UNC79: variants seen among roughly 807,000 people sequenced by gnomAD.
The protein encoded by UNC79 is unc-79 subunit of NALCN channel complex.
UNC79 carries 37 observed loss-of-function variants against 283.1 expected under a neutral mutation model. The observed-to-expected ratio is 0.13, with a 90% confidence interval of 0.10 to 0.17. The LOEUF (loss-of-function observed/expected upper bound fraction) is 0.17, where lower values mean the gene tolerates loss of function less well. UNC79 is among the 10% of genes least tolerant of loss of function. UNC79 has a pLI of 1.00. For synonymous variants in UNC79, 1,107 were observed against 1,200.2 expected (o/e 0.92, Z 1.61); for missense variants, 2,272 against 3,211.1 (o/e 0.71, Z 7.07).
intron 7 of UNC79, among the ~76,000 whole-genome samples, chr14:93,508,697 A>C (rs2059668797): frequency 1.3e-5 from 2 of 152,184 alleles, no homozygotes; most frequent in African/African-American, 4.8e-5. Flanking sequence ...TGCTTGTGTA[A>C]GGAAATCCAA....
At chr14:93,448,264 C>G (rs2056527345) in intron 1 of UNC79, among the ~76,000 whole-genome samples, 1 of 150,806 alleles carries the variant, frequency 6.6e-6, no homozygotes, top group Non-Finnish European at 1.5e-5. Flanking sequence ...ATTCTTTCCT[C>G]TGTCATGACC....
At chr14:93,372,627 AT>A (rs2054476330) in intron 1 of UNC79, among the ~76,000 whole-genome samples, 1 of 152,226 alleles carries the variant, frequency 6.6e-6, no homozygotes, top group Non-Finnish European at 1.5e-5. Flanking sequence ...ACAATCCTCA[AT>A]GTGTTTAAGC....
chr14:93,463,459 T>C (rs910734303), intron 1 of UNC79, among the ~76,000 whole-genome samples: 8 of 150,302 alleles, frequency 5.3e-5, no homozygotes, highest in Middle Eastern at 3.5e-3. Context: ...AGGAGAGAGG[T>C]TTTTTCTTTC....
In UNC79 at chr14:93,497,230, G is replaced by A. The variant is rs1156628261; in HGVS notation, c.842G>A (p.Trp281Ter). Residue 281 changes from tryptophan (W) to a stop codon, truncating the protein, a stop_gained, in exon 7 of 49, where the codon TGG (tryptophan) becomes TAG (stop). Coordinates refer to ENST00000555664, the Ensembl canonical transcript of UNC79. LOFTEE classifies it high-confidence loss of function. ...GCTGTGCAAATGCTTTTCCACTACT[G>A]GCCCAATTTAAAACCTCCTGGGGCA... 1 of 1,613,444 alleles carries A rather than the reference G, an allele frequency of 6.2e-7. No homozygotes were observed. Among genetic ancestry groups the A allele is most frequent in the Non-Finnish European group, 8.5e-7 (1 of 1,180,020 alleles).
chr14:93,452,375 ATTT>A (rs35284465), intron 1 of UNC79, among the ~76,000 whole-genome samples: 80 of 108,844 alleles, frequency 7.3e-4, no homozygotes, highest in South Asian at 2.1e-3. Flanking sequence ...GGACTGCATG[ATTT>A]TTTTTTTTTT....
chr14:93,607,428 A>G (rs573316355), intron 26 of UNC79, among the ~76,000 whole-genome samples: 1 of 152,358 alleles, frequency 6.6e-6, no homozygotes, highest in African/African-American at 2.4e-5. Flanking sequence ...TTAAGGTCAC[A>G]TATGACTAAC....
intron 16 of UNC79, 85 bp downstream of exon 16, chr14:93,572,901 A>ACGAAGTCTTTGC: frequency 6.5e-7 from 1 of 1,536,014 alleles, no homozygotes; most frequent in Non-Finnish European, 8.8e-7. Context: ...AGTGGGAGTT[A>ACGAAGTCTTTGC]TAGCAAAGAC....
intron 2 of UNC79, 96 bp from the exon 3 acceptor site, chr14:93,473,993 C>A: frequency 7.3e-7 from 1 of 1,376,828 alleles, no homozygotes; most frequent in Non-Finnish European, 9.6e-7. Flanking sequence ...TGGAATGTAT[C>A]TGGTGTTTTA....
At chr14:93,348,860 C>G (rs1566884265) in intron 1 of UNC79, among the ~76,000 whole-genome samples, 1 of 152,126 alleles carries the variant, frequency 6.6e-6, no homozygotes, top group Non-Finnish European at 1.5e-5. Context: ...AAACATTGAA[C>G]AAAGAAAGAT....
exon 23 of UNC79, chr14:93,593,752 G>A (rs752462138): frequency 1.9e-6 from 3 of 1,614,058 alleles, no homozygotes; most frequent in Admixed American, 1.7e-5. Context: ...TCCATGCCCT[G>A]TCACTTCCTC....
intron 1 of UNC79, among the ~76,000 whole-genome samples, chr14:93,392,437 G>T (rs2054903555): frequency 6.6e-6 from 1 of 152,052 alleles, no homozygotes; most frequent in Non-Finnish European, 1.5e-5. Context: ...AAAAAGAAAT[G>T]AACACTTAAA....
chr14:93,482,277 T>C (rs2058181862), intron 4 of UNC79, among the ~76,000 whole-genome samples: 1 of 152,164 alleles, frequency 6.6e-6, no homozygotes, highest in Non-Finnish European at 1.5e-5. Context: ...ATAATAAAAA[T>C]AATGATTGTA....
At chr14:93,385,630 T>C (rs1369854794) in intron 1 of UNC79, among the ~76,000 whole-genome samples, 1 of 151,980 alleles carries the variant, frequency 6.6e-6, no homozygotes, top group African/African-American at 2.4e-5. Flanking sequence ...AATACAAAAA[T>C]TAGCCAGGCG....
At chr14:93,659,769 C>A (rs1016341834) in intron 39 of UNC79, among the ~76,000 whole-genome samples, 28 of 152,214 alleles carry the variant, frequency 1.8e-4, no homozygotes, top group African/African-American at 6.8e-4. Context: ...TATCATATGG[C>A]AGACATTATG....
intron 6 of UNC79, among the ~76,000 whole-genome samples, chr14:93,496,943 G>A (rs556488687): frequency 6.6e-6 from 1 of 152,194 alleles, no homozygotes; most frequent in South Asian, 2.1e-4. Context: ...TACCTGTGAG[G>A]GCTCATTTAC....
chr14:93,589,822 G>A (rs780877985), intron 22 of UNC79, among the ~76,000 whole-genome samples: 3 of 152,102 alleles, frequency 2.0e-5, no homozygotes, highest in Non-Finnish European at 4.4e-5. Flanking sequence ...CAGCATGTCG[G>A]AAAATAGAGG....
chr14:93,603,265 G>A (rs767719962), exon 26 of UNC79: 22 of 1,614,132 alleles, frequency 1.4e-5, no homozygotes, highest in East Asian at 2.2e-5. Context: ...GACCAATGTT[G>A]CTAACCTCAG....
intron 1 of UNC79, among the ~76,000 whole-genome samples, chr14:93,347,665 C>T (rs1345338029): frequency 6.6e-6 from 1 of 152,026 alleles, no homozygotes; most frequent in African/African-American, 2.4e-5. Flanking sequence ...TTCGTTGTTA[C>T]CCTTTACCGG....
chr14:93,572,826 T>C lies in UNC79; in HGVS notation c.2070+10T>C. 6.2e-7 allele frequency: 1 copy of C among 1,612,306 alleles called. No individual in the cohort carries two copies. The highest frequency in any genetic ancestry group is 1.1e-5 in the South Asian group (1 of 90,584). On this transcript the variant is annotated intron_variant, in intron 16 of 48. Transcript: ENST00000555664. ...TTTACTGTGGCTTCATGTAAGTGAA[T>C]AATACTTTCGATCATTTTAGGAAAT...
Sources: allele counts gnomAD v4.1 joint callset (sites outside exome capture counted in the v4.1 genomes callset), GRCh38; gene constraint gnomAD v4.1.1; transcripts MANE v1.5; gene names NCBI Gene and HGNC (gene_info 2026-07-23, HGNC 2026-07-21).